Variants in ESR2 observed in about 807,000 individuals in gnomAD.
ESR2 encodes estrogen receptor 2, also known as estrogen receptor beta.
ESR2 carries 36 observed loss-of-function variants against 49.6 expected under a neutral mutation model. That is an observed-to-expected ratio of 0.73 (90% CI 0.56 to 0.96). The LOEUF (loss-of-function observed/expected upper bound fraction) is 0.96. ESR2 is among the 40% of genes least tolerant of loss of function. The pLI, the probability that ESR2 is intolerant of heterozygous loss-of-function variation, is 0.00. For missense variants in ESR2, 714 were observed against 693.0 expected, an observed-to-expected ratio of 1.03 and a Z score of -0.34; for synonymous variants, 320 against 266.1, an observed-to-expected ratio of 1.20 and a Z score of -1.97.
rs751676149 is a variant in ESR2 at position 64,233,228 on chromosome 14, C to T, written c.1502G>A (p.Arg501His). Residue 501 changes from arginine (R) to histidine (H), a missense_variant, in exon 9 of 9, where the codon CGC becomes CAC. Arg to His is a conservative substitution (Grantham distance 29). Coordinates refer to ENST00000341099, the MANE Select transcript of ESR2 (RefSeq NM_001437.3). ...CCCCGTGATGGAGGACTTGCACCCG[C>T]GAAGCACGTGGGCATTCAGCATCTC... ...LLEMLNAHVL[R>H]GCKSSITGSE... is the part of the protein sequence containing the mutation. 18 of 1,614,016 alleles carry T rather than the reference C, an allele frequency of 1.1e-5. No individual in the cohort carries two copies. In the East Asian group the frequency reaches 1.6e-4, roughly 14 times the overall value.
intron 6 of ESR2, among the ~76,000 whole-genome samples, chr14:64,253,278 C>T (rs1448810208): frequency 6.6e-6 from 1 of 152,024 alleles, no homozygotes; most frequent in South Asian, 2.1e-4. Flanking sequence ...GCAACCTCCA[C>T]TTCCTGGGTT....
chr14:64,323,565 A>G (rs1362344927), intron 1 of ESR2, among the ~76,000 whole-genome samples: 1 of 152,190 alleles, frequency 6.6e-6, no homozygotes, highest in Non-Finnish European at 1.5e-5. Flanking sequence ...TTTTATTTGC[A>G]TGGATTAACC....
At chr14:64,279,055 A>G (rs992124895) in intron 3 of ESR2, among the ~76,000 whole-genome samples, 1 of 152,322 alleles carries the variant, frequency 6.6e-6, no homozygotes, top group Admixed American at 6.5e-5. Flanking sequence ...GGTCTCCACA[A>G]TCCCTTATTG....
intron 1 of ESR2, among the ~76,000 whole-genome samples, chr14:64,288,658 G>A (rs1251589075): frequency 6.6e-6 from 1 of 150,608 alleles, no homozygotes; most frequent in Non-Finnish European, 1.5e-5. Flanking sequence ...AGACTAGACT[G>A]GTTTTTATCA....
chr14:64,236,382 G>A (rs1010565198), intron 7 of ESR2, among the ~76,000 whole-genome samples: 44 of 152,016 alleles, frequency 2.9e-4, no homozygotes, highest in African/African-American at 8.7e-4. Context: ...TCCCACTGTC[G>A]CCCCAGAGAT....
At chr14:64,308,454 G>A (rs1272756973) in intron 1 of ESR2, among the ~76,000 whole-genome samples, 6 of 152,076 alleles carry the variant, frequency 3.9e-5, no homozygotes, top group African/African-American at 1.4e-4. Flanking sequence ...AAACTAATGT[G>A]TGATATAGAA....
At chr14:64,237,255 C>T (rs1192304305) in intron 7 of ESR2, among the ~76,000 whole-genome samples, 3 of 152,118 alleles carry the variant, frequency 2.0e-5, no homozygotes, top group African/African-American at 2.4e-5. Flanking sequence ...CCACTGTGCC[C>T]GGCCAGACCC....
In ESR2 at chr14:64,233,385, C is replaced by T. The variant is rs1230596129; in HGVS notation, c.1407-62G>A. 2.8e-5 allele frequency: 43 copies of T among 1,526,190 alleles called. No individual in the cohort carries two copies. In the South Asian group the frequency reaches 3.1e-4, roughly 11 times the overall value. The allele number at this position is 1,526,190 out of a possible 1,614,324, so 94.5% of individuals were successfully genotyped here. On this transcript the variant is annotated intron_variant, in intron 8 of 8. Coordinates refer to ENST00000341099, the MANE Select transcript of ESR2 (RefSeq NM_001437.3). ...GAGGCAGCCACAGGAACCCCGAAGC[C>T]TTCCCCGGCTCTCTTTGCTCAGAGC...
chr14:64,269,905 A>T (rs2076404576), intron 3 of ESR2, among the ~76,000 whole-genome samples: 1 of 152,218 alleles, frequency 6.6e-6, no homozygotes, highest in Admixed American at 6.5e-5. Context: ...AGCAAAACTG[A>T]TGAGGCCAGG....
chr14:64,295,198 AACC>A (rs1458777226), upstream of ESR2, among the ~76,000 whole-genome samples: 5 of 148,374 alleles, frequency 3.4e-5, no homozygotes, highest in African/African-American at 1.3e-4. Flanking sequence ...CCATTGTGAG[AACC>A]CCCCAGTGTC....
chr14:64,227,584 T>C (rs892989270), downstream of ESR2: 1 of 1,614,144 alleles, frequency 6.2e-7, no homozygotes, highest in African/African-American at 1.3e-5. Context: ...TCATTCCAAA[T>C]GAGGTGAGTG....
At chr14:64,283,098 T>G in intron 1 of ESR2, 23 bp from the exon 2 acceptor site, 1 of 1,092,456 alleles carries the variant, frequency 9.2e-7, no homozygotes, top group Non-Finnish European at 1.3e-6. Context: ...ACAGAAGATA[T>G]TGCCAAGTTA....
At chr14:64,327,254 C>T (rs1020365798) in intron 1 of ESR2, among the ~76,000 whole-genome samples, 1 of 152,122 alleles carries the variant, frequency 6.6e-6, no homozygotes, top group African/African-American at 2.4e-5. Context: ...AAAGAAATGT[C>T]CCCTTTTAAA....
At chr14:64,242,428 A>AAAAC (rs1179149299) in intron 7 of ESR2, among the ~76,000 whole-genome samples, 5 of 104,128 alleles carry the variant, frequency 4.8e-5, no homozygotes, top group Non-Finnish European at 7.0e-5. Context: ...CAAAAAAAAC[A>AAAAC]AAACAAACAA....
At chr14:64,233,660 G>A in intron 8 of ESR2, 1 of 257,222 alleles carries the variant, frequency 3.9e-6, no homozygotes, top group Non-Finnish European at 7.5e-6. Context: ...TTAGGTTCCT[G>A]CAAGCCTCTG....
At chr14:64,238,695 G>C (rs1596370580) in intron 7 of ESR2, among the ~76,000 whole-genome samples, 3 of 151,488 alleles carry the variant, frequency 2.0e-5, no homozygotes, top group Non-Finnish European at 2.9e-5. Flanking sequence ...AAAAACATCA[G>C]TTAGGATTCA....
chr14:64,227,869 A>C, downstream of ESR2: 1 of 1,596,084 alleles, frequency 6.3e-7, no homozygotes, highest in South Asian at 1.1e-5. Flanking sequence ...TGCAAGGGAC[A>C]TTTTCACATG....
chr14:64,265,162 T>C (rs977750642), intron 4 of ESR2, among the ~76,000 whole-genome samples: 1 of 152,198 alleles, frequency 6.6e-6, no homozygotes, highest in Non-Finnish European at 1.5e-5. Flanking sequence ...GTTGTGGCTT[T>C]GACACTGTAA....
intron 7 of ESR2, among the ~76,000 whole-genome samples, chr14:64,240,188 G>C (rs2075691197): frequency 6.6e-6 from 1 of 152,224 alleles, no homozygotes; most frequent in Admixed American, 6.5e-5. Context: ...AGATGTGATT[G>C]AGTGACATAA....
Sources: allele counts gnomAD v4.1 joint callset (sites outside exome capture counted in the v4.1 genomes callset), GRCh38; gene constraint gnomAD v4.1.1; transcripts MANE v1.5; gene names NCBI Gene and HGNC (gene_info 2026-07-23, HGNC 2026-07-21).